TIAM1: variants seen among roughly 807,000 people sequenced by gnomAD.
TIAM1 encodes the protein TIAM Rac1 associated GEF 1.
A neutral mutation model predicts 163.5 loss-of-function variants in TIAM1; 65 were observed. That is an observed-to-expected ratio of 0.40 (90% CI 0.33 to 0.49). The LOEUF is 0.49. Among genes scored for constraint, TIAM1 ranks in the 20% least tolerant of loss-of-function variants. The pLI, the probability that TIAM1 is intolerant of heterozygous loss-of-function variation, is 0.77. For synonymous variants in TIAM1, 833 were observed against 810.1 expected (o/e 1.03, Z -0.48); for missense variants, 1,789 against 2,044.7 (o/e 0.87, Z 2.41).
At chr21:31,158,996 C>T (rs897668403) in intron 16 of TIAM1, among the ~76,000 whole-genome samples, 4 of 152,062 alleles carry the variant, frequency 2.6e-5, no homozygotes, top group African/African-American at 4.8e-5. Context: ...CTTCTCAACA[C>T]GCTCCCAAAA....
intron 2 of TIAM1, among the ~76,000 whole-genome samples, chr21:31,312,968 T>C (rs564245960): frequency 6.6e-6 from 1 of 152,320 alleles, no homozygotes; most frequent in African/African-American, 2.4e-5. Flanking sequence ...CTCTGAGACA[T>C]AGCTCAGCAA....
chr21:31,517,079 A>G (rs1031740103), intron 1 of TIAM1, among the ~76,000 whole-genome samples: 4 of 151,874 alleles, frequency 2.6e-5, no homozygotes, highest in African/African-American at 9.7e-5. Context: ...AAAGAAAAGA[A>G]AAGAATACAA....
rs1297770464 is a variant in TIAM1, at chr21:31,119,064, G to A, written c.*1304C>T. 2 of 151,820 alleles carry A rather than the reference G, an allele frequency of 1.3e-5. No homozygotes were observed. The highest frequency in any genetic ancestry group is 2.9e-5 in the Non-Finnish European group (2 of 68,234). 9.4% of individuals were successfully genotyped at this position (151,820 alleles called of 1,614,324 possible). A position where few individuals can be genotyped will look rare whatever the true frequency, so the allele number is the denominator to read the frequency against. On this transcript the variant is annotated 3_prime_UTR_variant, in exon 28 of 28. Coordinates refer to ENST00000541036, the MANE Select transcript of TIAM1 (RefSeq NM_001353694.2). The stretch of plus-strand genomic sequence containing the variant: ...GTATTTTAAACCCTTCTTAGGAAGT[G>A]GACATTGTGACATGGGAAAAGAAAA...
intron 2 of TIAM1, among the ~76,000 whole-genome samples, chr21:31,285,871 T>A (rs7276212): frequency 0.06 from 9,058 of 152,082 alleles, 623 homozygotes; most frequent in African/African-American, 0.17. Flanking sequence ...ACAAATAAAT[T>A]AATTAATTAA....
At chr21:31,362,990 C>T (rs369246807) in intron 2 of TIAM1, among the ~76,000 whole-genome samples, 16 of 152,130 alleles carry the variant, frequency 1.1e-4, no homozygotes, top group East Asian at 9.7e-4. Context: ...CTGTACTGCA[C>T]CTCCATACTT....
chr21:31,230,430 G>GT (rs1269725879), intron 6 of TIAM1, among the ~76,000 whole-genome samples: 1 of 151,814 alleles, frequency 6.6e-6, no homozygotes, highest in African/African-American at 2.4e-5. Flanking sequence ...TTTTGGTTCT[G>GT]TTTTTTCCTT....
intron 13 of TIAM1, among the ~76,000 whole-genome samples, chr21:31,188,018 C>T (rs941285326): frequency 1.3e-5 from 2 of 151,774 alleles, no homozygotes; most frequent in Admixed American, 6.6e-5. Flanking sequence ...AGATACCCAT[C>T]GTAATGCTGA....
At chr21:31,184,553 G>A (rs1377306662) in intron 14 of TIAM1, among the ~76,000 whole-genome samples, 3 of 152,130 alleles carry the variant, frequency 2.0e-5, no homozygotes, top group South Asian at 2.1e-4. Flanking sequence ...ACAGATGACC[G>A]TTCATCTTCA....
At chr21:31,224,396 A>G (rs1377026623) in intron 7 of TIAM1, among the ~76,000 whole-genome samples, 1 of 152,258 alleles carries the variant, frequency 6.6e-6, no homozygotes, top group Admixed American at 6.5e-5. Context: ...GTATACGTAC[A>G]ACCAGAACCC....
intron 2 of TIAM1, among the ~76,000 whole-genome samples, chr21:31,399,269 G>A (rs1239032340): frequency 8.6e-5 from 13 of 151,324 alleles, no homozygotes; most frequent in Admixed American, 1.3e-4. Context: ...TTTAATATTG[G>A]CTTGGATAAG....
At chr21:31,352,019 G>C (rs2076242478) in intron 2 of TIAM1, among the ~76,000 whole-genome samples, 2 of 150,608 alleles carry the variant, frequency 1.3e-5, no homozygotes. Flanking sequence ...AGTAAGCCAG[G>C]ATCACACCAC....
intron 8 of TIAM1, among the ~76,000 whole-genome samples, chr21:31,220,531 A>G (rs1263650881): frequency 6.6e-6 from 1 of 152,248 alleles, no homozygotes; most frequent in African/African-American, 2.4e-5. Flanking sequence ...AAAACTCTTC[A>G]GTTTACAATT....
At chr21:31,387,024 G>C (rs1288051771) in intron 2 of TIAM1, among the ~76,000 whole-genome samples, 1 of 151,922 alleles carries the variant, frequency 6.6e-6, no homozygotes, top group African/African-American at 2.4e-5. Flanking sequence ...GCACCTCTTA[G>C]AACTTCTGGT....
At chr21:31,292,570 A>G (rs1050609441) in intron 2 of TIAM1, among the ~76,000 whole-genome samples, 1 of 150,972 alleles carries the variant, frequency 6.6e-6, no homozygotes, top group South Asian at 2.1e-4. Flanking sequence ...GAGTTTCACT[A>G]TGTTGGCTAG....
chr21:31,528,730 G>T (rs537808119), intron 1 of TIAM1, among the ~76,000 whole-genome samples: 241 of 146,178 alleles, frequency 1.6e-3, no homozygotes, highest in African/African-American at 5.7e-3. Flanking sequence ...GCTTGAACCC[G>T]GGAGGCGGAG....
At chr21:31,346,328 C>T (rs887592652), upstream of TIAM1, among the ~76,000 whole-genome samples, 1 of 152,198 alleles carries the variant, frequency 6.6e-6, no homozygotes, top group Non-Finnish European at 1.5e-5. Flanking sequence ...TGAAACAACA[C>T]TTCTCCTTTT....
At chr21:31,171,631 G>A (rs1465253720) in intron 15 of TIAM1, among the ~76,000 whole-genome samples, 1 of 152,188 alleles carries the variant, frequency 6.6e-6, no homozygotes, top group Non-Finnish European at 1.5e-5. Flanking sequence ...AATGCAGTTT[G>A]TAGCAGATCA....
intron 6 of TIAM1, among the ~76,000 whole-genome samples, chr21:31,240,177 G>A (rs1021499366): frequency 6.6e-6 from 1 of 152,060 alleles, no homozygotes; most frequent in Admixed American, 6.6e-5. Flanking sequence ...GTCTACTCTC[G>A]AAAGTGTCCT....
intron 25 of TIAM1, among the ~76,000 whole-genome samples, chr21:31,129,129 A>G (rs2082316011): frequency 6.6e-6 from 1 of 152,216 alleles, no homozygotes; most frequent in South Asian, 2.1e-4. Flanking sequence ...AGATGTGGCT[A>G]AAGAGTTTCC....
Sources: allele counts gnomAD v4.1 joint callset (sites outside exome capture counted in the v4.1 genomes callset), GRCh38; gene constraint gnomAD v4.1.1; transcripts MANE v1.5; gene names NCBI Gene and HGNC (gene_info 2026-07-23, HGNC 2026-07-21).